The following UNC5D variants were observed in gnomAD, a reference collection of about 807,000 sequenced individuals.
UNC5D encodes the protein netrin receptor UNC5D.
A neutral mutation model predicts 105.4 loss-of-function variants in UNC5D; 39 were observed. The observed-to-expected ratio is 0.37, with a 90% confidence interval of 0.29 to 0.48. The LOEUF is 0.48. Among genes scored for constraint, UNC5D ranks in the 20% least tolerant of loss-of-function variants. UNC5D has a pLI of 0.98. For synonymous variants in UNC5D, 452 were observed against 450.4 expected, an observed-to-expected ratio of 1.00 and a Z score of -0.04; for missense variants, 991 against 1,202.4, an observed-to-expected ratio of 0.82 and a Z score of 2.60.
chr8:35,472,649 C>CA (rs1313020465), intron 1 of UNC5D, among the ~76,000 whole-genome samples: 3 of 152,088 alleles, frequency 2.0e-5, no homozygotes, highest in Non-Finnish European at 2.9e-5. Flanking sequence ...CATAAAGCCC[C>CA]AAGGAAAATT....
intron 4 of UNC5D, among the ~76,000 whole-genome samples, chr8:35,673,628 T>G (rs932628971): frequency 6.6e-6 from 1 of 152,182 alleles, no homozygotes; most frequent in Admixed American, 6.5e-5. Flanking sequence ...AATAAGATAG[T>G]GTATTGAATG....
At chr8:35,489,025 G>C (rs949759513) in intron 1 of UNC5D, among the ~76,000 whole-genome samples, 7 of 132,156 alleles carry the variant, frequency 5.3e-5, no homozygotes, top group Non-Finnish European at 9.6e-5. Context: ...TTTTTTTTTT[G>C]AGAGGGAATC....
intron 11 of UNC5D, among the ~76,000 whole-genome samples, chr8:35,742,953 A>AT (rs1194527390): frequency 1.3e-5 from 2 of 152,068 alleles, no homozygotes; most frequent in South Asian, 2.1e-4. Context: ...GGCCCCACTG[A>AT]TTTTTTTAAA....
At chr8:35,374,386 C>T (rs1006413312) in intron 1 of UNC5D, among the ~76,000 whole-genome samples, 5 of 152,066 alleles carry the variant, frequency 3.3e-5, no homozygotes, top group African/African-American at 1.2e-4. Flanking sequence ...GAGCCATTTC[C>T]GTTGAGCAAG....
chr8:35,325,627 G>A (rs532166787), intron 1 of UNC5D, among the ~76,000 whole-genome samples: 7 of 152,266 alleles, frequency 4.6e-5, no homozygotes, highest in South Asian at 2.1e-4. Context: ...CATACAATGC[G>A]TTCTATTCTT....
At chr8:35,265,001 C>T (rs1804759329) in intron 1 of UNC5D, among the ~76,000 whole-genome samples, 2 of 152,140 alleles carry the variant, frequency 1.3e-5, no homozygotes, top group African/African-American at 4.8e-5. Flanking sequence ...CATAATAACG[C>T]AAACCGCAAA....
At chr8:35,638,391 T>C (rs895002028) in intron 4 of UNC5D, among the ~76,000 whole-genome samples, 6 of 152,180 alleles carry the variant, frequency 3.9e-5, no homozygotes, top group African/African-American at 1.2e-4. Flanking sequence ...GCACTTTTCC[T>C]AAATGAAAGA....
chr8:35,489,048 CT>C, intron 1 of UNC5D, among the ~76,000 whole-genome samples: 1 of 151,674 alleles, frequency 6.6e-6, no homozygotes, highest in Non-Finnish European at 1.5e-5. Flanking sequence ...ACTGTGTCAC[CT>C]AGGCTGGAGT....
chr8:35,302,853 AT>A (rs1808064148), intron 1 of UNC5D, among the ~76,000 whole-genome samples: 1 of 152,176 alleles, frequency 6.6e-6, no homozygotes, highest in South Asian at 2.1e-4. Context: ...ATACATTTTA[AT>A]GTTTATAAAA....
intron 16 of UNC5D, among the ~76,000 whole-genome samples, chr8:35,787,677 G>A (rs1260375557): frequency 6.6e-6 from 1 of 152,136 alleles, no homozygotes; most frequent in Non-Finnish European, 1.5e-5. Flanking sequence ...GAATGCAGTG[G>A]TACAATCATA....
intron 15 of UNC5D, among the ~76,000 whole-genome samples, chr8:35,767,902 G>T (rs966123370): frequency 6.6e-6 from 1 of 152,056 alleles, no homozygotes; most frequent in Non-Finnish European, 1.5e-5. Context: ...TAGAGGGAGA[G>T]ATTAGAAGAG....
chr8:35,749,989 T>TAAAAAAAAAAAAAAAAAAAAAAA (rs11380512), intron 12 of UNC5D, among the ~76,000 whole-genome samples: 1 of 136,932 alleles, frequency 7.3e-6, no homozygotes, highest in African/African-American at 3.3e-5. Context: ...GAAATAGTTG[T>TAAAAAAAAAAAAAAAAAAAAAAA]AAAAAAAAAA....
chr8:35,571,440 A>C (rs932289479), intron 3 of UNC5D, among the ~76,000 whole-genome samples: 8 of 152,312 alleles, frequency 5.3e-5, no homozygotes, highest in Non-Finnish European at 1.0e-4. Flanking sequence ...TATTTATGCA[A>C]GTCAAGACAT....
intron 1 of UNC5D, among the ~76,000 whole-genome samples, chr8:35,419,977 G>T (rs1049794523): frequency 6.6e-6 from 1 of 152,094 alleles, no homozygotes; most frequent in African/African-American, 2.4e-5. Context: ...CTGAGTCTGG[G>T]GGTTTTTATG....
chr8:35,275,176 C>T (rs889623741), intron 1 of UNC5D, among the ~76,000 whole-genome samples: 1 of 151,196 alleles, frequency 6.6e-6, no homozygotes, highest in African/African-American at 2.4e-5. Context: ...GAAGACAAAG[C>T]TGCACTCTTC....
intron 1 of UNC5D, among the ~76,000 whole-genome samples, chr8:35,442,892 TCTCTCTCTCTCTCACACACA>T (rs1807514279): frequency 7.5e-6 from 1 of 132,894 alleles, no homozygotes; most frequent in African/African-American, 3.2e-5. Context: ...TGTTTCTCTC[TCTCTCTCTCTCTCACACACA>T]CACACACACA....
chr8:35,303,683 G>A (rs1005281545), intron 1 of UNC5D, among the ~76,000 whole-genome samples: 1 of 152,116 alleles, frequency 6.6e-6, no homozygotes, highest in Non-Finnish European at 1.5e-5. Flanking sequence ...TAATGGGCTC[G>A]AATGCCTAAA....
intron 1 of UNC5D, among the ~76,000 whole-genome samples, chr8:35,325,204 G>T (rs1022770370): frequency 9.2e-5 from 14 of 152,220 alleles, no homozygotes; most frequent in African/African-American, 3.4e-4. Context: ...TGGGGTTAAT[G>T]GTTAACCAGC....
At chr8:35,749,438 A>T (rs1161926970) in intron 12 of UNC5D, among the ~76,000 whole-genome samples, 1 of 152,192 alleles carries the variant, frequency 6.6e-6, no homozygotes, top group Non-Finnish European at 1.5e-5. Flanking sequence ...TTGGAACACA[A>T]ATGACCTGTT....
Sources: allele counts gnomAD v4.1 joint callset (sites outside exome capture counted in the v4.1 genomes callset), GRCh38; gene constraint gnomAD v4.1.1; transcripts MANE v1.5; gene names NCBI Gene and HGNC (gene_info 2026-07-23, HGNC 2026-07-21).